Variants in DISC1 observed in about 807,000 individuals in gnomAD.
DISC1 encodes the protein disrupted in schizophrenia 1 protein.
In DISC1, 57 loss-of-function variants were observed where a neutral mutation model predicts 84.5. That is an observed-to-expected ratio of 0.67 (90% CI 0.55 to 0.84). DISC1 has a LOEUF of 0.84. Among genes scored for constraint, DISC1 ranks in the 40% least tolerant of loss-of-function variants. DISC1 has a pLI of 0.00. For missense variants in DISC1, 1,000 were observed against 1,057.8 expected (o/e 0.95, Z 0.76); for synonymous variants, 411 against 415.2 (o/e 0.99, Z 0.12).
At chr1:231,989,707 G>A (rs1664931714) in intron 10 of DISC1, among the ~76,000 whole-genome samples, 1 of 152,198 alleles carries the variant, frequency 6.6e-6, no homozygotes. Context: ...AGGCATATGA[G>A]CAGAAGTGAG....
chr1:231,911,686 C>T (rs928145164), intron 9 of DISC1, among the ~76,000 whole-genome samples: 1 of 152,202 alleles, frequency 6.6e-6, no homozygotes, highest in South Asian at 2.1e-4. Context: ...ATCTTTGTGG[C>T]GTTCTCTGTA....
chr1:231,956,980 T>G (rs1468732349), intron 9 of DISC1, among the ~76,000 whole-genome samples: 1 of 152,174 alleles, frequency 6.6e-6, no homozygotes, highest in East Asian at 1.9e-4. Context: ...TCCATCATAC[T>G]CAGTGGGTTG....
At chr1:231,958,704 C>A in intron 9 of DISC1, 124 bp from the exon 10 acceptor site, 2 of 994,588 alleles carry the variant, frequency 2.0e-6, no homozygotes, top group Non-Finnish European at 3.1e-6. Flanking sequence ...GTTTTCCAAA[C>A]ATAGAATGTT....
At chr1:231,666,251 G>A (rs972500819) in intron 1 of DISC1, among the ~76,000 whole-genome samples, 7 of 144,826 alleles carry the variant, frequency 4.8e-5, no homozygotes, top group Non-Finnish European at 8.9e-5. Context: ...GCCATTATGA[G>A]CTGTTCTTAT....
At chr1:231,693,769 C>G in intron 1 of DISC1, 57 bp from the exon 2 acceptor site, 2 of 1,610,212 alleles carry the variant, frequency 1.2e-6, no homozygotes, top group Non-Finnish European at 1.7e-6. Flanking sequence ...AGATGCAGTT[C>G]CAGCTGGGCC....
intron 12 of DISC1, among the ~76,000 whole-genome samples, chr1:232,032,836 G>A (rs1485715629): frequency 6.6e-6 from 1 of 152,068 alleles, no homozygotes; most frequent in East Asian, 1.9e-4. Flanking sequence ...TCAGCTCTTT[G>A]ACAACAATTA....
intron 3 of DISC1, among the ~76,000 whole-genome samples, chr1:231,742,887 G>C (rs983963649): frequency 4.6e-5 from 7 of 152,112 alleles, no homozygotes; most frequent in Admixed American, 1.3e-4. Flanking sequence ...GCAACACTTT[G>C]TCTTAAAAAA....
chr1:231,868,028 G>C (rs534847967), intron 9 of DISC1, among the ~76,000 whole-genome samples: 2 of 152,296 alleles, frequency 1.3e-5, no homozygotes, highest in Admixed American at 1.3e-4. Context: ...GTGTTTTAAA[G>C]CTCCTGCTTA....
At chr1:231,676,137 G>A (rs192368992) in intron 1 of DISC1, among the ~76,000 whole-genome samples, 14 of 152,234 alleles carry the variant, frequency 9.2e-5, no homozygotes, top group African/African-American at 2.4e-4. Context: ...ATGGGCCACC[G>A]CCCCCATCGT....
intron 10 of DISC1, among the ~76,000 whole-genome samples, chr1:231,976,915 A>G (rs1284662466): frequency 1.3e-5 from 2 of 152,184 alleles, no homozygotes; most frequent in Admixed American, 6.5e-5. Context: ...ATAATCTGCT[A>G]TATACTTTAA....
chr1:231,953,675 G>A (rs143949304), intron 9 of DISC1, among the ~76,000 whole-genome samples: 2 of 152,122 alleles, frequency 1.3e-5, no homozygotes, highest in African/African-American at 4.8e-5. Context: ...GAAATCTGAT[G>A]ACTTATTTTC....
intron 10 of DISC1, among the ~76,000 whole-genome samples, chr1:231,992,354 A>G (rs1238957167): frequency 6.6e-6 from 1 of 150,620 alleles, no homozygotes; most frequent in African/African-American, 2.5e-5. Flanking sequence ...TTCTTTTGGG[A>G]TATTTGCTTT....
chr1:231,953,021 A>G (rs890611656), intron 9 of DISC1, among the ~76,000 whole-genome samples: 4 of 152,176 alleles, frequency 2.6e-5, no homozygotes, highest in African/African-American at 9.7e-5. Context: ...CTCTGGAACT[A>G]TCCCTTACTG....
intron 1 of DISC1, among the ~76,000 whole-genome samples, chr1:231,666,573 G>T (rs556996260): frequency 2.0e-5 from 3 of 151,984 alleles, no homozygotes; most frequent in Non-Finnish European, 4.4e-5. Flanking sequence ...AACAAATAAT[G>T]GTATGATGCA....
chr1:231,847,647 C>T (rs751646061), intron 9 of DISC1, among the ~76,000 whole-genome samples: 3 of 152,168 alleles, frequency 2.0e-5, no homozygotes, highest in Non-Finnish European at 4.4e-5. Context: ...CTTGTTCACA[C>T]CTTCAGGGTT....
At chr1:231,678,611 G>A (rs1161116995) in intron 1 of DISC1, among the ~76,000 whole-genome samples, 1 of 152,212 alleles carries the variant, frequency 6.6e-6, no homozygotes, top group Non-Finnish European at 1.5e-5. Context: ...GTAGAGATAG[G>A]CTTAAGGCCA....
At chr1:231,811,153 A>G (rs2080255906) in intron 8 of DISC1, among the ~76,000 whole-genome samples, 1 of 152,250 alleles carries the variant, frequency 6.6e-6, no homozygotes, top group Non-Finnish European at 1.5e-5. Context: ...AAAGCCAGCC[A>G]TGGGGCTCTG....
Position 231,762,466 on chromosome 1 carries a change from C to T in DISC1, c.1269-4674C>T, listed in dbSNP as rs981715351. Among the ~76,000 whole-genome samples the T allele has an allele frequency of 5.3e-5, 8 of 150,190 alleles. No homozygotes were observed. The South Asian group carries it at 1.1e-3, about 20-fold the overall frequency. ...CCTGCCACTTCAGCCTCCCAAGTAGCTGGGACTACAAGCACGTGCCACTGT... is the reference window on the plus strand; with the variant it reads ...CCTGCCACTTCAGCCTCCCAAGTAGTTGGGACTACAAGCACGTGCCACTGT... On this transcript the variant is annotated intron_variant, in intron 4 of 12. Transcript: ENST00000439617.
At chr1:231,791,233 C>A (rs2078326946) in intron 6 of DISC1, among the ~76,000 whole-genome samples, 1 of 152,154 alleles carries the variant, frequency 6.6e-6, no homozygotes, top group Non-Finnish European at 1.5e-5. Context: ...AAATAGAATT[C>A]CAAAAATTTG....
Sources: gnomAD v4.1 joint callset for allele counts (sites outside exome capture counted in the v4.1 genomes callset) on GRCh38, gnomAD v4.1.1 for gene constraint, MANE v1.5 for transcripts, NCBI Gene and HGNC (gene_info 2026-07-23, HGNC 2026-07-21) for gene names.